The following NBEAL1 variants were observed in gnomAD, a reference collection of about 807,000 sequenced individuals.
The protein encoded by NBEAL1 is neurobeachin-like protein 1.
Under a neutral mutation model 351.3 loss-of-function variants are expected in NBEAL1, and 273 were observed. The observed-to-expected ratio is 0.78, with a 90% CI of 0.70 to 0.86. NBEAL1 has a LOEUF of 0.86. Ranked by LOEUF, NBEAL1 falls within the 40% of genes least tolerant of loss-of-function variation. The pLI is 0.00. For synonymous variants in NBEAL1, 1,050 were observed against 1,086.4 expected, an observed-to-expected ratio of 0.97 and a Z score of 0.66; for missense variants, 2,961 against 3,201.3, an observed-to-expected ratio of 0.92 and a Z score of 1.81.
chr2:203,220,211 TGTG>T lies in NBEAL1; in HGVS notation c.*2862_*2864del, dbSNP rs1248402722. On this transcript the variant is annotated 3_prime_UTR_variant, in exon 56 of 56. Transcript: ENST00000683969. ...TTACAAAGTCTGTTACCTGGCCAAT[TGTG>T]GTGGCTCACGCCTATAATCCCAGCT... is the stretch of plus-strand genomic sequence containing the variant. Among the ~76,000 whole-genome samples, 2 of 152,068 alleles carry T rather than the reference TGTG, an allele frequency of 1.3e-5. No homozygotes were observed. Among genetic ancestry groups the T allele is most frequent in the Non-Finnish European group, 2.9e-5 (2 of 68,006 alleles).
intron 8 of NBEAL1, among the ~76,000 whole-genome samples, chr2:203,080,654 T>TC (rs1468919976): frequency 6.6e-6 from 1 of 152,162 alleles, no homozygotes; most frequent in Admixed American, 6.6e-5. Context: ...CTAGCCAGAG[T>TC]CCCTAGTTAG....
chr2:203,048,258 T>C (rs1212537329), intron 3 of NBEAL1, among the ~76,000 whole-genome samples: 1 of 151,464 alleles, frequency 6.6e-6, no homozygotes, highest in East Asian at 1.9e-4. Context: ...GGCACGTGCC[T>C]GTAATCCCAG....
intron 20 of NBEAL1, 100 bp downstream of exon 20, chr2:203,125,620 C>T (rs2062919721): frequency 9.3e-7 from 1 of 1,079,308 alleles, no homozygotes; most frequent in African/African-American, 1.7e-5. Context: ...GAAACTTAAC[C>T]ATTTGTAGCT....
intron 2 of NBEAL1, chr2:203,039,958 C>G: frequency 2.1e-6 from 1 of 477,856 alleles, no homozygotes; most frequent in Non-Finnish European, 3.7e-6. Flanking sequence ...GATAAAGGAC[C>G]ATGGTGGAGG....
Position 203,122,338 on chromosome 2 carries a change from A to G in NBEAL1, c.2677A>G (p.Ile893Val). 1 of 1,493,118 alleles carries G rather than the reference A, an allele frequency of 6.7e-7. No individual in the cohort carries two copies. Among genetic ancestry groups the G allele is most frequent in the Admixed American group, 2.1e-5 (1 of 46,706 alleles). 92.5% of individuals were successfully genotyped at this position (1,493,118 alleles called of 1,614,324 possible). A position where few individuals can be genotyped will look rare whatever the true frequency, so the allele number is the denominator to read the frequency against. The part of the protein sequence containing the change: ...LTGNKVVNWD[I>V]KDIINCIGGL... ...AGGAAACAAAGTAGTGAACTGGGAC[A>G]TTAAGGTAAATTAATAGTAAATGTT... Residue 893 changes from isoleucine to valine, a missense_variant, in exon 19 of 56, where the codon ATT (isoleucine) becomes GTT (valine). Physicochemically the swap from Ile to Val is conservative, Grantham distance 29 (BLOSUM62 3). Coordinates refer to ENST00000683969, the MANE Select transcript of NBEAL1 (RefSeq NM_001378026.1).
chr2:203,024,766 G>T (rs1208437140), intron 2 of NBEAL1, among the ~76,000 whole-genome samples: 2 of 151,992 alleles, frequency 1.3e-5, no homozygotes, highest in African/African-American at 2.4e-5. Context: ...GGAGGCTGAG[G>T]CAGGAGAATC....
intron 4 of NBEAL1, among the ~76,000 whole-genome samples, chr2:203,051,689 C>G (rs2061325774): frequency 6.6e-6 from 1 of 151,930 alleles, no homozygotes; most frequent in Admixed American, 6.6e-5. Context: ...GTTTTCAATT[C>G]ATTATGTTTA....
chr2:203,191,318 T>TAA, intron 46 of NBEAL1: 85 of 425,818 alleles, frequency 2.0e-4, no homozygotes, highest in South Asian at 6.6e-4. Flanking sequence ...ATTTGACAAC[T>TAA]GAAAAAAAAA....
At position 203,201,697 on chromosome 2, in the gene NBEAL1, C is replaced by T. The variant is rs2065404194; in HGVS notation, c.7393C>T (p.His2465Tyr). The T allele has an allele frequency of 6.2e-7, 1 of 1,600,610 alleles. No individual in the cohort carries two copies. The highest frequency in any genetic ancestry group is 8.5e-7 in the Non-Finnish European group (1 of 1,172,566). ...ACTTACAAAAGGCAAAATTATCTCA[C>T]ACATCATCCGGCATATGGGTAAGCA... ...MSLTKGKIIS[H>Y]IIRHMDIVTC... The change falls in exon 50 of 56, where the codon CAC (histidine) becomes TAC (tyrosine). Residue 2465 changes from histidine (H) to tyrosine (Y), a missense_variant. Transcript: ENST00000683969.
At chr2:203,114,411 A>G (rs929298735) in intron 17 of NBEAL1, among the ~76,000 whole-genome samples, 1 of 152,332 alleles carries the variant, frequency 6.6e-6, no homozygotes, top group South Asian at 2.1e-4. Context: ...TTTTCAACTG[A>G]TATATTAATA....
intron 35 of NBEAL1, among the ~76,000 whole-genome samples, chr2:203,153,450 T>G (rs909794067): frequency 6.6e-5 from 10 of 152,094 alleles, no homozygotes. Context: ...GGCCAGATCT[T>G]ATTTTTTTTA....
chr2:203,084,672 C>T, intron 10 of NBEAL1, 103 bp downstream of exon 10: 1 of 553,948 alleles, frequency 1.8e-6, no homozygotes, highest in Non-Finnish European at 3.0e-6. Flanking sequence ...TATACTTAAT[C>T]TCTGTTTGCA....
chr2:203,206,820 C>T (rs1361525093), intron 51 of NBEAL1, among the ~76,000 whole-genome samples: 1 of 151,364 alleles, frequency 6.6e-6, no homozygotes, highest in African/African-American at 2.4e-5. Flanking sequence ...GCCGAGATTG[C>T]AGCCTCTGCC....
intron 10 of NBEAL1, among the ~76,000 whole-genome samples, chr2:203,093,709 C>T (rs1223190972): frequency 2.0e-5 from 3 of 152,122 alleles, no homozygotes; most frequent in African/African-American, 7.2e-5. Flanking sequence ...CAAAAATTAG[C>T]TGGGCATGGT....
At chr2:203,110,674 A>AAAATAAATAAATAAATAAATAAAT (rs67437997) in intron 15 of NBEAL1, among the ~76,000 whole-genome samples, 4 of 130,880 alleles carry the variant, frequency 3.1e-5, no homozygotes, top group African/African-American at 8.6e-5. Context: ...ATCCTGTCTC[A>AAAATAAATAAATAAATAAATAAAT]AAATAAATAA....
intron 29 of NBEAL1, among the ~76,000 whole-genome samples, chr2:203,137,476 A>G (rs2063244052): frequency 6.6e-6 from 1 of 152,162 alleles, no homozygotes; most frequent in South Asian, 2.1e-4. Flanking sequence ...TCCACAGGGC[A>G]AGACTCTCTG....
intron 46 of NBEAL1, chr2:203,191,318 TGA>T: frequency 1.6e-5 from 7 of 425,988 alleles, no homozygotes; most frequent in East Asian, 7.0e-5. Flanking sequence ...ATTTGACAAC[TGA>T]AAAAAAAAAA....
chr2:203,130,554 G>T, intron 25 of NBEAL1, 78 bp downstream of exon 25: 1 of 926,538 alleles, frequency 1.1e-6, no homozygotes. Context: ...TATCCATTCT[G>T]TGACTATAAA....
At chr2:203,129,921 G>T (rs1171661304) in intron 24 of NBEAL1, among the ~76,000 whole-genome samples, 2 of 152,166 alleles carry the variant, frequency 1.3e-5, no homozygotes, top group African/African-American at 2.4e-5. Context: ...CAGAGGCCAG[G>T]TGCAGTGAGC....
Sources: allele counts gnomAD v4.1 joint callset (sites outside exome capture counted in the v4.1 genomes callset), GRCh38; gene constraint gnomAD v4.1.1; transcripts MANE v1.5; gene names NCBI Gene and HGNC (gene_info 2026-07-23, HGNC 2026-07-21).